Variants in BMP1 observed in about 807,000 individuals in gnomAD.
The protein encoded by BMP1 is bone morphogenetic protein 1.
A neutral mutation model predicts 116.8 loss-of-function variants in BMP1; 63 were observed. The ratio of observed to expected loss-of-function variants is 0.54; its 90% CI spans 0.44 to 0.67. The LOEUF is 0.67. Ranked by LOEUF, BMP1 falls within the 30% of genes least tolerant of loss-of-function variation. The pLI, the probability that BMP1 is intolerant of heterozygous loss-of-function variation, is 0.00. For synonymous variants in BMP1, 536 were observed against 533.4 expected, an observed-to-expected ratio of 1.00 and a Z score of -0.07; for missense variants, 1,183 against 1,358.9, an observed-to-expected ratio of 0.87 and a Z score of 2.04.
At chr8:22,166,252 C>T (rs1279184251) in intron 1 of BMP1, among the ~76,000 whole-genome samples, 1 of 152,002 alleles carries the variant, frequency 6.6e-6, no homozygotes, top group African/African-American at 2.4e-5. Flanking sequence ...CCGCCAAGGC[C>T]AAGTTGGGGT....
At chr8:22,210,462 T>A (rs1023549315) in intron 19 of BMP1, among the ~76,000 whole-genome samples, 59 of 90,970 alleles carry the variant, frequency 6.5e-4, no homozygotes, top group African/African-American at 4.3e-3. Flanking sequence ...TCTCTCTCTC[T>A]CTCTCTCACA....
chr8:22,173,749 A>C lies in BMP1; in HGVS notation c.262+34A>C, dbSNP rs372729317. On this transcript the variant is annotated intron_variant, in intron 2 of 19. Transcript: ENST00000306385. ...GGTGCCAATGGGCCCTCTGTGTCCTAGAAATGGGTTCCAGGCTTAGGGAAA... is the reference window on the plus strand; with the variant it reads ...GGTGCCAATGGGCCCTCTGTGTCCTCGAAATGGGTTCCAGGCTTAGGGAAA... 10 of 1,545,716 alleles carry C rather than the reference A, an allele frequency of 6.5e-6. No individual in the cohort carries two copies. The African/African-American group carries it at 1.2e-4, about 19-fold the overall frequency.
intron 1 of BMP1, among the ~76,000 whole-genome samples, chr8:22,166,079 G>C (rs1828097756): frequency 6.6e-6 from 1 of 152,116 alleles, no homozygotes; most frequent in South Asian, 2.1e-4. Flanking sequence ...AGCCCAAGTG[G>C]AAGAAGAAAG....
chr8:22,172,844 T>G (rs1336998044), intron 1 of BMP1, among the ~76,000 whole-genome samples: 1 of 152,102 alleles, frequency 6.6e-6, no homozygotes, highest in Non-Finnish European at 1.5e-5. Context: ...CTTGAACTCC[T>G]GAGCTTAAGT....
At chr8:22,184,714 A>C (rs1253644277) in intron 8 of BMP1, among the ~76,000 whole-genome samples, 2 of 152,186 alleles carry the variant, frequency 1.3e-5, no homozygotes, top group African/African-American at 4.8e-5. Context: ...CCTAGGTACC[A>C]TTATCCCTAC....
At chr8:22,210,315 C>G (rs973235059) in intron 19 of BMP1, among the ~76,000 whole-genome samples, 3 of 151,080 alleles carry the variant, frequency 2.0e-5, no homozygotes, top group Non-Finnish European at 4.4e-5. Flanking sequence ...GGGCTAGCCT[C>G]GTGGGGAGGA....
Position 22,207,535 on chromosome 8 carries a change from G to T in BMP1, c.2575+19G>T, listed in dbSNP as rs1410428902. The stretch of plus-strand genomic sequence containing the variant: ...GCCACAGGTACTGTCCCCGGTTGTG[G>T]GAGTGTTCACTGAGCCTGGTCTCCA... On this transcript the variant is annotated intron_variant, in intron 18 of 19. Transcript: ENST00000306385. 3.1e-6 allele frequency: 5 copies of T among 1,609,332 alleles called. No individual in the cohort carries two copies. Among genetic ancestry groups the T allele is most frequent in the Non-Finnish European group, 4.2e-6 (5 of 1,177,458 alleles).
rs761784869 is a variant in BMP1, at chr8:22,209,691, C to G, written c.2822C>G (p.Ser941Ter). The part of the protein sequence containing the change: ...TAPRLGRYCG[S>*]GPPEEVYSAG... ...CCCAGGCTGGGGCGCTACTGTGGCT[C>G]AGGGGTGAGGCCCCCACCCCTCGCC... The change falls in exon 19 of 20, where the codon TCA becomes TGA. Residue 941 changes from serine (S) to a stop codon, truncating the protein, a stop_gained. Coordinates refer to ENST00000306385, the MANE Select transcript of BMP1 (RefSeq NM_006129.5). LOFTEE classifies it high-confidence loss of function. 6.2e-7 allele frequency: 1 copy of G among 1,613,438 alleles called. No homozygotes were observed. The highest frequency in any genetic ancestry group is 8.5e-7 in the Non-Finnish European group (1 of 1,179,862).
At chr8:22,172,677 A>G (rs995936085) in intron 1 of BMP1, among the ~76,000 whole-genome samples, 4 of 132,732 alleles carry the variant, frequency 3.0e-5, no homozygotes, top group African/African-American at 1.2e-4. Flanking sequence ...CAGTGGCATC[A>G]TCTCAGCTCA....
At chr8:22,203,358 C>T (rs112886549) in intron 16 of BMP1, among the ~76,000 whole-genome samples, 1 of 152,150 alleles carries the variant, frequency 6.6e-6, no homozygotes, top group Non-Finnish European at 1.5e-5. Flanking sequence ...GAATTCAAGA[C>T]CAGCCTGGCC....
chr8:22,203,530 C>G (rs534810801), intron 16 of BMP1, among the ~76,000 whole-genome samples: 196 of 152,292 alleles, frequency 1.3e-3, no homozygotes, highest in Middle Eastern at 3.4e-3. Context: ...GCACTCCAGC[C>G]TGGGCAACAG....
In BMP1 at chr8:22,194,305, T is replaced by A. The variant is rs1386084857; in HGVS notation, c.1297+131T>A. 27 of 1,443,608 alleles carry A rather than the reference T, an allele frequency of 1.9e-5. No homozygotes were observed. Among genetic ancestry groups the A allele is most frequent in the Non-Finnish European group, 2.0e-5 (21 of 1,043,602 alleles). The allele number at this position is 1,443,608 out of a possible 1,614,324, so 89.4% of individuals were successfully genotyped here. ...GAAGAAGCAGAGAGAATGATGGGAT[T>A]GCCTGGGACTGGGGGTTTGGTGGGG... On this transcript the variant is annotated intron_variant, in intron 10 of 19. Coordinates refer to ENST00000306385, the MANE Select transcript of BMP1 (RefSeq NM_006129.5). The surrounding 1 kb of genome is among the most constrained non-coding windows in gnomAD (Gnocchi z 4.5).
chr8:22,206,414 A>G (rs1227647655), intron 16 of BMP1, among the ~76,000 whole-genome samples: 2 of 152,008 alleles, frequency 1.3e-5, no homozygotes, highest in African/African-American at 2.4e-5. Context: ...AGGCAGGAGA[A>G]TCACTTAAAC....
At chr8:22,172,064 G>A (rs567435134) in intron 1 of BMP1, among the ~76,000 whole-genome samples, 16 of 152,026 alleles carry the variant, frequency 1.1e-4, no homozygotes, top group African/African-American at 3.6e-4. Flanking sequence ...GATGAAGTCA[G>A]TGTGTGTGTG....
At chr8:22,166,520 G>A (rs924009716) in intron 1 of BMP1, among the ~76,000 whole-genome samples, 1 of 152,218 alleles carries the variant, frequency 6.6e-6, no homozygotes, top group African/African-American at 2.4e-5. Context: ...GGCTGTTTGG[G>A]GACACACAGG....
At chr8:22,207,593 G>A (rs1829388176) in intron 18 of BMP1, 77 bp downstream of exon 18, 3 of 1,511,920 alleles carry the variant, frequency 2.0e-6, no homozygotes, top group African/African-American at 1.4e-5. Flanking sequence ...TTCAATGCGG[G>A]TATGAAGGTA....
rs367784476 is a variant in BMP1 at position 22,196,751 on chromosome 8, C to T, written c.1837C>T (p.Pro613Ser). The change falls in exon 14 of 20, where the codon CCC becomes TCC. Residue 613 changes from proline to serine, a missense_variant. Pro to Ser is a moderately conservative substitution (Grantham distance 74). Transcript: ENST00000306385. ...CCCGGGCTGGCCCAAGGAGTACCCC[C>T]CCAACAAGAACTGCATCTGGCAGCT... Reference protein sequence around the residue: ...TSPGWPKEYPPNKNCIWQLVA... With the variant: ...TSPGWPKEYPSNKNCIWQLVA... The T allele has an allele frequency of 1.2e-6, 2 of 1,614,010 alleles. No homozygotes were observed. The highest frequency in any genetic ancestry group is 1.7e-6 in the Non-Finnish European group (2 of 1,180,032).
intron 5 of BMP1, 86 bp downstream of exon 5, chr8:22,177,225 G>A (rs537734815): frequency 5.9e-6 from 8 of 1,367,060 alleles, no homozygotes; most frequent in East Asian, 2.5e-5. Flanking sequence ...AGTGGCAGCC[G>A]CTCCAGCCAG....
intron 16 of BMP1, among the ~76,000 whole-genome samples, chr8:22,205,989 G>C (rs1323348735): frequency 3.3e-5 from 5 of 152,168 alleles, no homozygotes; most frequent in African/African-American, 9.7e-5. Context: ...TAGCAGGAGT[G>C]GGGGTGGGGA....
Sources: allele counts gnomAD v4.1 joint callset (sites outside exome capture counted in the v4.1 genomes callset), GRCh38; gene constraint gnomAD v4.1.1; non-coding constraint Gnocchi (gnomAD v3.1); transcripts MANE v1.5; gene names NCBI Gene and HGNC (gene_info 2026-07-23, HGNC 2026-07-21).